FSHR: variants seen among roughly 807,000 people sequenced by gnomAD.
FSHR encodes the protein follicle stimulating hormone receptor.
FSHR carries 46 observed loss-of-function variants against 52.1 expected under a neutral mutation model. The ratio of observed to expected loss-of-function variants is 0.88; its 90% CI spans 0.70 to 1.13. The LOEUF (loss-of-function observed/expected upper bound fraction) is 1.13. Ranked by LOEUF, FSHR falls within the 50% of genes most tolerant of loss-of-function variation. FSHR has a pLI of 0.00. For synonymous variants in FSHR, 399 were observed against 309.6 expected (o/e 1.29, Z -3.03); for missense variants, 964 against 834.6 (o/e 1.16, Z -1.91).
Position 49,018,432 on chromosome 2 carries a change from C to T in FSHR, c.300-869G>A, listed in dbSNP as rs1241215731. Reference sequence around the variant, plus strand: ...TTTATGTTGCTGTAAACTGTAGCTACCCAGATCTAAGTACCAGGCAATTAA... The same window carrying T: ...TTTATGTTGCTGTAAACTGTAGCTATCCAGATCTAAGTACCAGGCAATTAA... On this transcript the variant is annotated intron_variant, in intron 3 of 9. Transcript: ENST00000406846. Among the ~76,000 whole-genome samples, 4 of 152,182 alleles carry T rather than the reference C, an allele frequency of 2.6e-5. No individual in the cohort carries two copies. In the East Asian group the frequency reaches 5.8e-4, roughly 22 times the overall value.
intron 4 of FSHR, among the ~76,000 whole-genome samples, chr2:49,013,017 GCCA>G (rs1357977611): frequency 5.3e-5 from 8 of 151,904 alleles, no homozygotes; most frequent in African/African-American, 7.3e-5. Flanking sequence ...TAGGATTATT[GCCA>G]TTATATAAGA....
intron 1 of FSHR, among the ~76,000 whole-genome samples, chr2:49,087,540 G>T (rs891086508): frequency 2.0e-5 from 3 of 152,182 alleles, no homozygotes; most frequent in Non-Finnish European, 2.9e-5. Context: ...GTTCTAGCCA[G>T]AGAAATAGGC....
chr2:49,006,376 C>G (rs112691637), intron 4 of FSHR, among the ~76,000 whole-genome samples: 3,608 of 152,070 alleles, frequency 0.024, 139 homozygotes, highest in African/African-American at 0.082. Flanking sequence ...TAGGCTTAAA[C>G]TTCTCTGCCT....
Position 49,082,166 on chromosome 2 carries a change from A to C in FSHR, c.153-13876T>G, listed in dbSNP as rs546735153. Among the ~76,000 whole-genome samples the C allele has an allele frequency of 3.2e-4, 49 of 152,334 alleles. 1 individual carries two copies. Among genetic ancestry groups the C allele is most frequent in the African/African-American group, 1.2e-3 (49 of 41,574 alleles). ...CGCAGCTGGAGATCTGAGAACAGCC[A>C]GACTGCCTCCTCAAGTGGGTCCCTG... On this transcript the variant is annotated intron_variant, in intron 1 of 9. Transcript: ENST00000406846.
chr2:49,152,428 A>G (rs1393893957), intron 1 of FSHR, among the ~76,000 whole-genome samples: 2 of 152,056 alleles, frequency 1.3e-5, no homozygotes, highest in Non-Finnish European at 2.9e-5. Context: ...ATCCTCTCAT[A>G]GTAATTCATA....
intron 8 of FSHR, among the ~76,000 whole-genome samples, chr2:48,978,199 C>G (rs1437886282): frequency 6.6e-6 from 1 of 152,148 alleles, no homozygotes; most frequent in East Asian, 1.9e-4. Flanking sequence ...TTAAAAAGCA[C>G]TCTGTGCCCC....
chr2:49,022,315 G>A (rs983250916), intron 2 of FSHR, among the ~76,000 whole-genome samples: 1 of 152,052 alleles, frequency 6.6e-6, no homozygotes, highest in Non-Finnish European at 1.5e-5. Flanking sequence ...CTAAATTAGT[G>A]ATTTCAGAAA....
At chr2:49,077,125 T>C (rs1357656303) in intron 1 of FSHR, among the ~76,000 whole-genome samples, 2 of 152,228 alleles carry the variant, frequency 1.3e-5, no homozygotes, top group African/African-American at 4.8e-5. Context: ...TTCCCTTCCA[T>C]ACTGCCCTAG....
In FSHR at chr2:48,962,949, G is replaced by A. The variant is rs764029002; in HGVS notation, c.1872C>T (p.Phe624=). The change falls in exon 10 of 10, where the codon TTC becomes TTT. Residue 624 remains phenylalanine, a synonymous_variant. Transcript: ENST00000406846. ...AGTTTTTGGTAAAGATGGCATAGAG[G>A]AAGGGGTTGGCACAGGAGTTGATGG... The part of the protein sequence containing the change: ...FHPINSCANP[F]LYAIFTKNFR... 1.2e-6 allele frequency: 2 copies of A among 1,614,178 alleles called. No individual in the cohort carries two copies. The highest frequency in any genetic ancestry group is 1.7e-6 in the Non-Finnish European group (2 of 1,180,028).
At chr2:48,967,135 G>A (rs1309865828) in intron 9 of FSHR, among the ~76,000 whole-genome samples, 1 of 152,096 alleles carries the variant, frequency 6.6e-6, no homozygotes, top group African/African-American at 2.4e-5. Flanking sequence ...TCACTCTGCT[G>A]CCCAGGCTGA....
chr2:49,013,310 A>G (rs1037412194), intron 4 of FSHR, among the ~76,000 whole-genome samples: 1 of 151,624 alleles, frequency 6.6e-6, no homozygotes, highest in Non-Finnish European at 1.5e-5. Context: ...TGGTAGCCCA[A>G]GCTAACTAGT....
In FSHR at chr2:49,081,260, TA is replaced by T. The variant is rs145100372; in HGVS notation, c.153-12971del. 9.2e-3 allele frequency among the ~76,000 whole-genome samples: 1,394 copies of T among 152,152 alleles called. 11 individuals are homozygous for T. The highest frequency in any genetic ancestry group is 0.014 in the Non-Finnish European group (944 of 67,988). ...GGATTAAAGATGCATATATATCTCT[TA>T]AAAAATTCTGGAGATGATCAACACC... On this transcript the variant is annotated intron_variant, in intron 1 of 9. Transcript: ENST00000406846.
At chr2:49,081,687 G>A (rs1290064503) in intron 1 of FSHR, among the ~76,000 whole-genome samples, 1 of 152,084 alleles carries the variant, frequency 6.6e-6, no homozygotes, top group Non-Finnish European at 1.5e-5. Context: ...CTATACTGCA[G>A]GTTACTTAAT....
intron 4 of FSHR, among the ~76,000 whole-genome samples, chr2:48,998,865 TA>T (rs1387131184): frequency 3.9e-5 from 6 of 152,222 alleles, no homozygotes; most frequent in African/African-American, 1.4e-4. Flanking sequence ...AAATGGTACA[TA>T]ATAAGAGAAG....
intron 5 of FSHR, among the ~76,000 whole-genome samples, chr2:48,989,510 G>T (rs1018024936): frequency 2.1e-4 from 32 of 152,194 alleles, no homozygotes; most frequent in African/African-American, 6.7e-4. Context: ...GTCAAACCCT[G>T]TGCTTAAGTG....
intron 9 of FSHR, among the ~76,000 whole-genome samples, chr2:48,966,006 G>A (rs992485689): frequency 6.6e-6 from 1 of 152,128 alleles, no homozygotes; most frequent in Non-Finnish European, 1.5e-5. Context: ...TAGCAGTGTC[G>A]CAGAGCCTAA....
intron 2 of FSHR, among the ~76,000 whole-genome samples, chr2:49,054,409 C>G (rs1668979435): frequency 6.6e-6 from 1 of 152,078 alleles, no homozygotes; most frequent in African/African-American, 2.4e-5. Context: ...ACACACGAAC[C>G]CACATCAGCC....
intron 1 of FSHR, among the ~76,000 whole-genome samples, chr2:49,145,860 A>G (rs1203214239): frequency 1.3e-5 from 2 of 152,106 alleles, no homozygotes; most frequent in Admixed American, 1.3e-4. Flanking sequence ...CTTTGGTATC[A>G]AAGGTGAGTA....
chr2:48,997,261 C>A (rs1676064671), intron 4 of FSHR: 1 of 985,022 alleles, frequency 1.0e-6, no homozygotes, highest in Non-Finnish European at 1.2e-6. Context: ...GGTTTCTTGC[C>A]TTTTCGATCT....
Sources: gnomAD v4.1 joint callset for allele counts (sites outside exome capture counted in the v4.1 genomes callset) on GRCh38, gnomAD v4.1.1 for gene constraint, MANE v1.5 for transcripts, NCBI Gene and HGNC (gene_info 2026-07-23, HGNC 2026-07-21) for gene names.